The following RPTOR variants were observed in gnomAD, a reference collection of about 807,000 sequenced individuals.
The protein encoded by RPTOR is regulatory-associated protein of mTOR.
Under a neutral mutation model 169.9 loss-of-function variants are expected in RPTOR, and 21 were observed. The ratio of observed to expected loss-of-function variants is 0.12; its 90% CI spans 0.09 to 0.18. The LOEUF (loss-of-function observed/expected upper bound fraction) is 0.18. RPTOR is among the 10% of genes least tolerant of loss of function. RPTOR has a pLI of 1.00. For synonymous variants in RPTOR, 732 were observed against 753.2 expected, an observed-to-expected ratio of 0.97 and a Z score of 0.46; for missense variants, 1,133 against 1,855.9, an observed-to-expected ratio of 0.61 and a Z score of 7.16.
chr17:80,747,222 AAAAAC>A lies in RPTOR; in HGVS notation c.655-6772_655-6768del, dbSNP rs201838296. 1.2e-3 allele frequency among the ~76,000 whole-genome samples: 184 copies of A among 152,352 alleles called. 3 individuals carry two copies. The East Asian group carries it at 0.033, about 27-fold the overall frequency. On this transcript the variant is annotated intron_variant, in intron 5 of 33. Transcript: ENST00000306801. ...CAAAGCAAGACTCCCTCTCAAAAACAAAAACAAAACAAAACAAAACCTGTTGGTTC... is the reference window on the plus strand; with the variant it reads ...CAAAGCAAGACTCCCTCTCAAAAACAAAAACAAAACAAAACCTGTTGGTTC...
In RPTOR at chr17:80,553,219, T is replaced by G. The variant is rs1416814571; in HGVS notation, c.162+7428T>G. On this transcript the variant is annotated intron_variant, in intron 1 of 33. Transcript: ENST00000306801. Reference sequence around the variant, plus strand: ...CTTGACTGTTAAGCACACATCTTTTTCAGACTGTGTGTGCTGCTCCTTCTC... The same window carrying G: ...CTTGACTGTTAAGCACACATCTTTTGCAGACTGTGTGTGCTGCTCCTTCTC... Among the ~76,000 whole-genome samples the G allele has an allele frequency of 2.0e-5, 3 of 152,358 alleles. No individual in the cohort carries two copies. In the East Asian group the frequency reaches 5.8e-4, roughly 29 times the overall value.
chr17:80,637,709 A>G (rs1221310922), intron 2 of RPTOR, among the ~76,000 whole-genome samples: 1 of 152,232 alleles, frequency 6.6e-6, no homozygotes. Context: ...AGCTAATGGT[A>G]GCTGTGTATC....
At chr17:80,681,662 G>GTTGAATTTCATTTGA (rs1567854330) in intron 3 of RPTOR, among the ~76,000 whole-genome samples, 65 of 85,142 alleles carry the variant, frequency 7.6e-4, no homozygotes, top group African/African-American at 1.7e-3. Flanking sequence ...CCTTCATGAG[G>GTTGAATTTCATTTGA]TGTACGTCTC....
rs1189121502 is a variant in RPTOR at position 80,795,005 on chromosome 17, C to T, written c.890+3496C>T. Among the ~76,000 whole-genome samples, 3 of 152,292 alleles carry T rather than the reference C, an allele frequency of 2.0e-5. No homozygotes were observed. In the East Asian group the frequency reaches 5.8e-4, roughly 29 times the overall value. On this transcript the variant is annotated intron_variant, in intron 7 of 33. Transcript: ENST00000306801. ...TCCACCCACACGTTCCAATCCATAG[C>T]ATGTGTACCTGCAGAAGTCATTTTG... is the stretch of plus-strand genomic sequence containing the variant.
rs2069356169 is a variant in RPTOR at position 80,962,447 on chromosome 17, C to T, written c.3693-14C>T. ...CCTCCGGGAGGAGGTGTCACTGTGACCCTCTCTTGGCAGCGTCAATGGAGA... is the reference window on the plus strand; with the variant it reads ...CCTCCGGGAGGAGGTGTCACTGTGATCCTCTCTTGGCAGCGTCAATGGAGA... On this transcript the variant is annotated splice_polypyrimidine_tract_variant and intron_variant, in intron 31 of 33. Transcript: ENST00000306801. 1 of 1,609,292 alleles carries T rather than the reference C, an allele frequency of 6.2e-7. No individual in the cohort carries two copies. Among genetic ancestry groups the T allele is most frequent in the African/African-American group, 1.3e-5 (1 of 74,974 alleles).
At chr17:80,551,922 T>C (rs1019836163) in intron 1 of RPTOR, among the ~76,000 whole-genome samples, 2 of 152,196 alleles carry the variant, frequency 1.3e-5, no homozygotes, top group Non-Finnish European at 2.9e-5. Flanking sequence ...TAGGGAGTGA[T>C]GATGACTCTT....
intron 13 of RPTOR, among the ~76,000 whole-genome samples, chr17:80,859,723 T>C (rs1268801194): frequency 2.0e-5 from 3 of 152,226 alleles, no homozygotes; most frequent in Non-Finnish European, 4.4e-5. Flanking sequence ...TGTGCACGTG[T>C]GTGCGGGGGT....
chr17:80,713,251 A>T (rs2143122489), intron 4 of RPTOR, among the ~76,000 whole-genome samples: 1 of 152,080 alleles, frequency 6.6e-6, no homozygotes, highest in South Asian at 2.1e-4. Flanking sequence ...TATTTTTTTT[A>T]GTACAGGCTG....
intron 3 of RPTOR, among the ~76,000 whole-genome samples, chr17:80,671,987 A>G (rs551037992): frequency 1.3e-5 from 2 of 152,322 alleles, no homozygotes; most frequent in South Asian, 2.1e-4. Flanking sequence ...TCCATTGTAC[A>G]TTGAATCTAT....
At chr17:80,694,135 T>C (rs4889785) in intron 3 of RPTOR, among the ~76,000 whole-genome samples, 40,634 of 152,184 alleles carry the variant, frequency 0.27, 7,512 homozygotes, top group African/African-American at 0.53. Flanking sequence ...CATCTCAGCT[T>C]TTGTTTGCCA....
intron 27 of RPTOR, among the ~76,000 whole-genome samples, chr17:80,948,016 G>A (rs754932122): frequency 5.3e-5 from 8 of 152,190 alleles, no homozygotes; most frequent in South Asian, 2.1e-4. Flanking sequence ...TTCCTTTAGC[G>A]CTTTGAAAAC....
chr17:80,801,734 G>A (rs2067159925), intron 7 of RPTOR: 1 of 152,236 alleles, frequency 6.6e-6, no homozygotes, highest in African/African-American at 2.4e-5. Flanking sequence ...AGTCACTGCT[G>A]AGATGAGTAA....
chr17:80,904,390 G>T (rs1013760146), intron 20 of RPTOR, among the ~76,000 whole-genome samples: 1 of 152,216 alleles, frequency 6.6e-6, no homozygotes, highest in African/African-American at 2.4e-5. Context: ...GCTGTCACCT[G>T]CAGGAAGACT....
Position 80,754,330 on chromosome 17 carries a change from C to T in RPTOR, c.830+145C>T, listed in dbSNP as rs1292781464. 3.7e-6 allele frequency: 3 copies of T among 813,600 alleles called. No homozygotes were observed. Among genetic ancestry groups the T allele is most frequent in the East Asian group, 2.6e-5 (1 of 38,870 alleles). 50.4% of individuals were successfully genotyped at this position (813,600 alleles called of 1,614,324 possible). Reference sequence around the variant, plus strand: ...GTCCCCGCCTTCTTTTTGTGTCATTCGGGATTCCAGGTGGAGGTTTGGGTT... The same window carrying T: ...GTCCCCGCCTTCTTTTTGTGTCATTTGGGATTCCAGGTGGAGGTTTGGGTT... On this transcript the variant is annotated intron_variant, in intron 6 of 33. Coordinates refer to ENST00000306801, the MANE Select transcript of RPTOR (RefSeq NM_020761.3). The surrounding 1 kb of genome is among the most constrained non-coding windows in gnomAD (Gnocchi z 4.2).
chr17:80,717,707 A>G (rs1048786441), intron 4 of RPTOR, among the ~76,000 whole-genome samples: 1 of 152,362 alleles, frequency 6.6e-6, no homozygotes, highest in Admixed American at 6.5e-5. Flanking sequence ...ACATTTAAAC[A>G]TGCTAGTTTT....
intron 3 of RPTOR, among the ~76,000 whole-genome samples, chr17:80,683,125 T>G (rs542888267): frequency 6.6e-6 from 1 of 152,334 alleles, no homozygotes; most frequent in Non-Finnish European, 1.5e-5. Context: ...CTTAGCCAGT[T>G]GTTTCAGCTC....
chr17:80,574,284 C>T (rs1406710076), intron 1 of RPTOR, among the ~76,000 whole-genome samples: 1 of 150,578 alleles, frequency 6.6e-6, no homozygotes, highest in African/African-American at 2.4e-5. Context: ...CCTGCCTCAG[C>T]CTCCCGAGTA....
intron 5 of RPTOR, among the ~76,000 whole-genome samples, chr17:80,749,905 G>A (rs2066614928): frequency 6.6e-6 from 1 of 151,956 alleles, no homozygotes; most frequent in African/African-American, 2.4e-5. Flanking sequence ...TGTAGAGACA[G>A]GGGTCTTGCC....
chr17:80,841,589 C>A (rs1181926805), intron 10 of RPTOR, among the ~76,000 whole-genome samples: 365 of 129,610 alleles, frequency 2.8e-3, no homozygotes, highest in East Asian at 6.0e-3. Context: ...CGCACGGCAG[C>A]TCACTCTCAC....
Sources: gnomAD v4.1 joint callset for allele counts (sites outside exome capture counted in the v4.1 genomes callset) on GRCh38, gnomAD v4.1.1 for gene constraint, Gnocchi (gnomAD v3.1) non-coding constraint, MANE v1.5 for transcripts, NCBI Gene and HGNC (gene_info 2026-07-23, HGNC 2026-07-21) for gene names.